Variants in IPCEF1 observed in about 807,000 individuals in gnomAD.
IPCEF1 encodes interactor protein for cytohesin exchange factors 1.
A neutral mutation model predicts 50.9 loss-of-function variants in IPCEF1; 31 were observed. The observed-to-expected ratio is 0.61, with a 90% CI of 0.46 to 0.82. The LOEUF is 0.82. Ranked by LOEUF, IPCEF1 falls within the 40% of genes least tolerant of loss-of-function variation. The pLI is 0.00. For missense variants in IPCEF1, 458 were observed against 514.0 expected (o/e 0.89, Z 1.05); for synonymous variants, 181 against 192.0 (o/e 0.94, Z 0.47).
rs529922483 is a variant in IPCEF1 at position 154,297,955 on chromosome 6, T to A, written c.-61-8199A>T. Among the ~76,000 whole-genome samples, 3 of 152,322 alleles carry A rather than the reference T, an allele frequency of 2.0e-5. No individual in the cohort carries two copies. In the East Asian group the frequency reaches 5.8e-4, roughly 29 times the overall value. On this transcript the variant is annotated intron_variant, in intron 1 of 11. Transcript: ENST00000367220. ...AGTGCTCTGAAGAGCATTCTTTTCTTATCTCAGCTGTTGAGCGTGAGGTCC... is the reference window on the plus strand; with the variant it reads ...AGTGCTCTGAAGAGCATTCTTTTCTAATCTCAGCTGTTGAGCGTGAGGTCC...
chr6:154,226,481 A>G (rs559850998), intron 5 of IPCEF1, among the ~76,000 whole-genome samples: 40 of 149,776 alleles, frequency 2.7e-4, no homozygotes, highest in South Asian at 2.1e-3. Context: ...GACATCCCCA[A>G]CTCTTCCATT....
At chr6:154,314,007 C>T (rs1259236657) in intron 1 of IPCEF1, among the ~76,000 whole-genome samples, 1 of 152,112 alleles carries the variant, frequency 6.6e-6, no homozygotes, top group Non-Finnish European at 1.5e-5. Flanking sequence ...CTTGGCCCCC[C>T]AAAATGCTGG....
chr6:154,271,679 C>T (rs1427187912), intron 2 of IPCEF1, among the ~76,000 whole-genome samples: 2 of 152,000 alleles, frequency 1.3e-5, no homozygotes, highest in Admixed American at 1.3e-4. Context: ...GGGTACACAA[C>T]CAAAAATATA....
In IPCEF1 at chr6:154,199,840, A is replaced by G. The variant is rs201899906; in HGVS notation, c.738T>C (p.His246=). 76 of 1,614,224 alleles carry G rather than the reference A, an allele frequency of 4.7e-5. 2 individuals are homozygous for G. In the East Asian group the frequency reaches 1.6e-3, roughly 34 times the overall value. Residue 246 remains histidine, a synonymous_variant, in exon 10 of 12, where the codon CAT becomes CAC. Coordinates refer to ENST00000367220, the MANE Select transcript of IPCEF1 (RefSeq NM_001130700.2). ...GQPITFAVQV[H]SPVPSEAGIH... Reference sequence around the variant, plus strand: ...TGCCTGCCTCTGAGGGTACAGGTGAATGAACTTGCACAGCAAACGTTATTG... The same window carrying G: ...TGCCTGCCTCTGAGGGTACAGGTGAGTGAACTTGCACAGCAAACGTTATTG...
chr6:154,345,449 T>C (rs994958195), intron 1 of IPCEF1, among the ~76,000 whole-genome samples: 1 of 152,170 alleles, frequency 6.6e-6, no homozygotes, highest in African/African-American at 2.4e-5. Context: ...ATCAGAGCCC[T>C]ACTAGTCTCC....
At chr6:154,339,582 T>C (rs1342030454) in intron 1 of IPCEF1, among the ~76,000 whole-genome samples, 1 of 148,402 alleles carries the variant, frequency 6.7e-6, no homozygotes, top group East Asian at 1.9e-4. Context: ...GTTTTTTGTT[T>C]GTTTGTTTGT....
At position 154,199,939 on chromosome 6, in the gene IPCEF1, G is replaced by A. The variant is rs149710643; in HGVS notation, c.639C>T (p.Ser213=). 6.2e-7 allele frequency: 1 copy of A among 1,614,232 alleles called. No homozygotes were observed. The highest frequency in any genetic ancestry group is 8.5e-7 in the Non-Finnish European group (1 of 1,180,038). The change falls in exon 10 of 12, where the codon TCC becomes TCT. Residue 213 remains serine, a synonymous_variant. Transcript: ENST00000367220. The stretch of plus-strand genomic sequence containing the variant: ...AGGATTGTCTCTCTTTAGATAAGGA[G>A]GAAGGAAAACTGCTGGGTGTCTTCA... ...NTVKTPSSFP[S]SLSKERQSLP... is the part of the protein sequence containing the mutation.
intron 10 of IPCEF1, among the ~76,000 whole-genome samples, chr6:154,171,088 A>G (rs1372507421): frequency 6.6e-6 from 1 of 152,188 alleles, no homozygotes; most frequent in African/African-American, 2.4e-5. Context: ...GGAGTTTAGC[A>G]TGTGCCCCAG....
At chr6:154,275,040 C>A (rs370849113) in intron 2 of IPCEF1, among the ~76,000 whole-genome samples, 1 of 152,120 alleles carries the variant, frequency 6.6e-6, no homozygotes, top group Non-Finnish European at 1.5e-5. Context: ...TTCACCTACC[C>A]CTCAAAGACA....
At chr6:154,301,983 T>C (rs1782808567) in intron 1 of IPCEF1, among the ~76,000 whole-genome samples, 1 of 152,234 alleles carries the variant, frequency 6.6e-6, no homozygotes, top group Admixed American at 6.5e-5. Context: ...ATTTGAGCGC[T>C]CATGGAGTTT....
At chr6:154,322,960 C>T (rs144798561) in intron 1 of IPCEF1, among the ~76,000 whole-genome samples, 2 of 151,864 alleles carry the variant, frequency 1.3e-5, no homozygotes, top group South Asian at 4.1e-4. Flanking sequence ...ACAACAAAAA[C>T]AAAACAAATA....
At chr6:154,205,031 G>C (rs564304806) in intron 9 of IPCEF1, among the ~76,000 whole-genome samples, 26 of 152,200 alleles carry the variant, frequency 1.7e-4, no homozygotes, top group Admixed American at 2.6e-4. Context: ...CCTTCCCATT[G>C]CTTGGACCTC....
intron 1 of IPCEF1, among the ~76,000 whole-genome samples, chr6:154,329,633 A>AAAAG (rs202108280): frequency 2.0e-5 from 3 of 149,490 alleles, no homozygotes; most frequent in Admixed American, 1.4e-4. Context: ...GAGAGAAAGA[A>AAAAG]AAAGAAAGAA....
chr6:154,285,515 G>T (rs574661459), intron 2 of IPCEF1, among the ~76,000 whole-genome samples: 2 of 152,012 alleles, frequency 1.3e-5, no homozygotes, highest in East Asian at 3.9e-4. Context: ...TTATTAACCA[G>T]GAAAACAATA....
At chr6:154,248,021 C>T (rs926421988) in intron 3 of IPCEF1, among the ~76,000 whole-genome samples, 1 of 152,162 alleles carries the variant, frequency 6.6e-6, no homozygotes, top group African/African-American at 2.4e-5. Flanking sequence ...AAATGAAATT[C>T]CACAACCTCT....
intron 1 of IPCEF1, among the ~76,000 whole-genome samples, chr6:154,355,785 G>A (rs1275573387): frequency 8.6e-5 from 13 of 151,624 alleles, no homozygotes; most frequent in Non-Finnish European, 1.6e-4. Context: ...CACCGCACCC[G>A]GCATTCTATT....
intron 1 of IPCEF1, among the ~76,000 whole-genome samples, chr6:154,303,966 T>C (rs571147729): frequency 4.6e-5 from 7 of 151,870 alleles, no homozygotes; most frequent in South Asian, 2.1e-4. Flanking sequence ...GGGGCATGCA[T>C]CTGTGGTCCC....
intron 1 of IPCEF1, among the ~76,000 whole-genome samples, chr6:154,349,456 A>C (rs1270660425): frequency 6.6e-6 from 1 of 151,706 alleles, no homozygotes; most frequent in African/African-American, 2.4e-5. Flanking sequence ...CAAACTCCTG[A>C]GCTCAAGTGA....
chr6:154,356,020 A>G (rs759564511), intron 1 of IPCEF1, among the ~76,000 whole-genome samples: 10 of 152,190 alleles, frequency 6.6e-5, no homozygotes, highest in Admixed American at 1.3e-4. Flanking sequence ...GGACAGCACT[A>G]GGAACACATA....
Sources: gnomAD v4.1 joint callset for allele counts (sites outside exome capture counted in the v4.1 genomes callset) on GRCh38, gnomAD v4.1.1 for gene constraint, MANE v1.5 for transcripts, NCBI Gene and HGNC (gene_info 2026-07-23, HGNC 2026-07-21) for gene names.